Variants in EDEM1 observed in about 807,000 individuals in gnomAD.
The protein encoded by EDEM1 is ER degradation enhancing alpha-mannosidase like protein 1.
EDEM1 carries 67 observed loss-of-function variants against 74.4 expected under a neutral mutation model. The ratio of observed to expected loss-of-function variants is 0.90; its 90% CI spans 0.74 to 1.10. The LOEUF (loss-of-function observed/expected upper bound fraction) is 1.10, where lower values mean the gene tolerates loss of function less well. Ranked by LOEUF, EDEM1 falls within the 50% of genes least tolerant of loss-of-function variation. The probability of loss-of-function intolerance (pLI) is 0.00; values close to 1 mark genes in which losing one functional copy is unlikely to be tolerated. For missense variants in EDEM1, 926 were observed against 851.6 expected, an observed-to-expected ratio of 1.09 and a Z score of -1.09; for synonymous variants, 382 against 335.9, an observed-to-expected ratio of 1.14 and a Z score of -1.50.
intron 1 of EDEM1, among the ~76,000 whole-genome samples, chr3:5,191,390 A>ATTT (rs879732969): frequency 6.9e-6 from 1 of 144,258 alleles, no homozygotes; most frequent in Non-Finnish European, 1.5e-5. Flanking sequence ...TGCTCGGCTA[A>ATTT]TTTTTTTTTT....
chr3:5,190,290 T>G (rs572596931), intron 1 of EDEM1, among the ~76,000 whole-genome samples: 6 of 152,368 alleles, frequency 3.9e-5, no homozygotes, highest in African/African-American at 1.4e-4. Context: ...TAAGTGCCTT[T>G]ATTCCTGCTC....
At chr3:5,213,952 A>G (rs1369960860) in intron 11 of EDEM1, among the ~76,000 whole-genome samples, 1 of 152,200 alleles carries the variant, frequency 6.6e-6, no homozygotes, top group East Asian at 1.9e-4. Context: ...GCCTGTTGAT[A>G]TGATCCATCA....
chr3:5,198,658 A>ATAG (rs1333797046), intron 2 of EDEM1, among the ~76,000 whole-genome samples: 4 of 126,486 alleles, frequency 3.2e-5, no homozygotes, highest in African/African-American at 1.2e-4. Flanking sequence ...AGGGACGTAT[A>ATAG]TAGCTTTTTT....
At chr3:5,215,171 G>A (rs341985) in intron 11 of EDEM1, among the ~76,000 whole-genome samples, 139,908 of 151,870 alleles carry the variant, frequency 0.92, 64,952 homozygotes, top group East Asian at 1. Flanking sequence ...ACTACAAAGC[G>A]TGGGGAAAAT....
intron 1 of EDEM1, 113 bp downstream of exon 1, chr3:5,188,427 G>T: frequency 8.4e-7 from 1 of 1,195,004 alleles, no homozygotes. Flanking sequence ...GGCCGTTAGG[G>T]TCCCGGGCAG....
At chr3:5,188,997 G>C (rs935992439) in intron 1 of EDEM1, among the ~76,000 whole-genome samples, 2 of 152,126 alleles carry the variant, frequency 1.3e-5, no homozygotes, top group African/African-American at 4.8e-5. Flanking sequence ...CGCCCTGTAC[G>C]ATCTGTCTAT....
intron 11 of EDEM1, among the ~76,000 whole-genome samples, chr3:5,215,045 G>T (rs2055215359): frequency 6.6e-6 from 1 of 152,228 alleles, no homozygotes; most frequent in African/African-American, 2.4e-5. Flanking sequence ...GGCAGAAGCA[G>T]TAGCACCTGC....
At chr3:5,201,963 A>G (rs1559296605) in intron 4 of EDEM1, 39 bp downstream of exon 4, 7 of 1,572,532 alleles carry the variant, frequency 4.5e-6, no homozygotes, top group Non-Finnish European at 6.0e-6. Context: ...TTGACAATTC[A>G]CTATCTTCCT....
chr3:5,207,332 T>G (rs913825317), intron 7 of EDEM1, 59 bp downstream of exon 7: 29 of 1,595,672 alleles, frequency 1.8e-5, no homozygotes, highest in Non-Finnish European at 2.1e-5. Flanking sequence ...TTCTCCCTCC[T>G]TTTCTTTCTT....
At position 5,216,066 on chromosome 3, in the gene EDEM1, T is replaced by C; in HGVS notation, c.*148T>C. The C allele has an allele frequency of 3.2e-6, 2 of 621,926 alleles. No homozygotes were observed. The highest frequency in any genetic ancestry group is 5.6e-6 in the Non-Finnish European group (2 of 357,176). 38.5% of individuals were successfully genotyped at this position (621,926 alleles called of 1,614,324 possible). A position where few individuals can be genotyped will look rare whatever the true frequency, so the allele number is the denominator to read the frequency against. ...TGTGCAACACCTCACCACGTCTGGT[T>C]AATCCTTGCACACTTCAGTGTTTCT... On this transcript the variant is annotated 3_prime_UTR_variant, in exon 12 of 12. Coordinates refer to ENST00000256497, the MANE Select transcript of EDEM1 (RefSeq NM_014674.3).
In EDEM1 at chr3:5,203,274, G is replaced by A. The variant is rs184064982; in HGVS notation, c.1042+125G>A. On this transcript the variant is annotated intron_variant, in intron 5 of 11. Coordinates refer to ENST00000256497, the MANE Select transcript of EDEM1 (RefSeq NM_014674.3). ...TGACAACTCAGCAAGAATTGTGTCA[G>A]CTCTATCTAATTTCTTTATGTGACC... 3,656 of 997,300 alleles carry A rather than the reference G, an allele frequency of 3.7e-3. 21 individuals carry two copies. Among genetic ancestry groups the A allele is most frequent in the Non-Finnish European group, 3.4e-3 (2,457 of 715,246 alleles). 61.8% of individuals were successfully genotyped at this position (997,300 alleles called of 1,614,324 possible).
At chr3:5,211,036 T>A in intron 9 of EDEM1, 84 bp from the exon 10 acceptor site, 1 of 1,237,032 alleles carries the variant, frequency 8.1e-7, no homozygotes. Context: ...TTGATTATTC[T>A]GATAAGAGAA....
intron 10 of EDEM1, among the ~76,000 whole-genome samples, chr3:5,211,794 G>A (rs79782024): frequency 0.014 from 2,074 of 152,260 alleles, 44 homozygotes; most frequent in African/African-American, 0.048. Flanking sequence ...GAGGTCAGGC[G>A]ACTTGCTCAA....
chr3:5,199,922 G>GTT lies in EDEM1; in HGVS notation c.686+231_686+232dup, dbSNP rs1006618997. On this transcript the variant is annotated intron_variant, in intron 3 of 11. Coordinates refer to ENST00000256497, the MANE Select transcript of EDEM1 (RefSeq NM_014674.3). ...GAAAGACACGTTTGTATTTTGTTTT[G>GTT]TTTTTATAGATTAAACTCTTTTTTT... 3.9e-4 allele frequency among the ~76,000 whole-genome samples: 58 copies of GTT among 147,996 alleles called. 1 individual carries two copies. The highest frequency in any genetic ancestry group is 7.3e-4 in the Non-Finnish European group (49 of 66,696).
chr3:5,195,028 A>G lies in EDEM1; in HGVS notation c.510-181A>G, dbSNP rs17042049. ...ACAGTTCTGTGACTTGATTCTACTTATGGACACCATAGAAAGTGTTACTTT... is the reference window on the plus strand; with the variant it reads ...ACAGTTCTGTGACTTGATTCTACTTGTGGACACCATAGAAAGTGTTACTTT... On this transcript the variant is annotated intron_variant, in intron 1 of 11. Coordinates refer to ENST00000256497, the MANE Select transcript of EDEM1 (RefSeq NM_014674.3). 6.5e-3 allele frequency: 2,678 copies of G among 413,242 alleles called. 65 individuals carry two copies. Among genetic ancestry groups the G allele is most frequent in the African/African-American group, 0.05 (2,452 of 48,656 alleles). The allele number at this position is 413,242 out of a possible 1,614,324, so 25.6% of individuals were successfully genotyped here. A position where few individuals can be genotyped will look rare whatever the true frequency, so the allele number is the denominator to read the frequency against.
chr3:5,199,551 A>T (rs778567158), intron 2 of EDEM1, 41 bp from the exon 3 acceptor site: 2 of 1,494,582 alleles, frequency 1.3e-6, no homozygotes, highest in East Asian at 2.3e-5. Context: ...CCTCAGTTTC[A>T]TTTCAAGTTG....
chr3:5,201,919 C>T lies in EDEM1; in HGVS notation c.853C>T (p.Pro285Ser). 1.9e-6 allele frequency: 3 copies of T among 1,613,434 alleles called. No homozygotes were observed. The highest frequency in any genetic ancestry group is 2.5e-6 in the Non-Finnish European group (3 of 1,179,772). Residue 285 changes from proline to serine, a missense_variant, in exon 4 of 12, where the codon CCT (proline) becomes TCT (serine). Coordinates refer to ENST00000256497, the MANE Select transcript of EDEM1 (RefSeq NM_014674.3). Reference sequence around the variant, plus strand: ...AAACACCAAGACAGGGATTCCATATCCTCGGGTGGGTAGACTGGTTTGACC... The same window carrying T: ...AAACACCAAGACAGGGATTCCATATTCTCGGGTGGGTAGACTGGTTTGACC... ...FENTKTGIPY[P>S]RVNLKTGVPP...
intron 3 of EDEM1, among the ~76,000 whole-genome samples, chr3:5,200,126 T>G (rs2055016728): frequency 6.6e-6 from 1 of 152,042 alleles, no homozygotes; most frequent in Non-Finnish European, 1.5e-5. Context: ...GAGATGAGAT[T>G]TCACCATGTT....
chr3:5,213,671 C>A, intron 11 of EDEM1, 149 bp downstream of exon 11: 1 of 777,006 alleles, frequency 1.3e-6, no homozygotes, highest in Non-Finnish European at 2.0e-6. Context: ...ATTTACATAG[C>A]TGTTGTCAGG....
Sources: allele counts gnomAD v4.1 joint callset (sites outside exome capture counted in the v4.1 genomes callset), GRCh38; gene constraint gnomAD v4.1.1; transcripts MANE v1.5; gene names NCBI Gene and HGNC (gene_info 2026-07-23, HGNC 2026-07-21).